TNR: variants seen among roughly 807,000 people sequenced by gnomAD.
TNR encodes the protein tenascin R.
A neutral mutation model predicts 150.4 loss-of-function variants in TNR; 45 were observed. The ratio of observed to expected loss-of-function variants is 0.30; its 90% CI spans 0.24 to 0.38. The LOEUF (loss-of-function observed/expected upper bound fraction) is 0.38, where lower values mean the gene tolerates loss of function less well. Ranked by LOEUF, TNR falls within the 10% of genes least tolerant of loss-of-function variation. The pLI is 1.00. For missense variants in TNR, 1,544 were observed against 1,759.1 expected, an observed-to-expected ratio of 0.88 and a Z score of 2.19; for synonymous variants, 687 against 678.4, an observed-to-expected ratio of 1.01 and a Z score of -0.20.
chr1:175,427,827 T>G (rs1483052692), intron 2 of TNR, among the ~76,000 whole-genome samples: 1 of 141,866 alleles, frequency 7.0e-6, no homozygotes, highest in Non-Finnish European at 1.5e-5. Flanking sequence ...TTTTTCCTTC[T>G]TTCCTCCCTC....
intron 16 of TNR, among the ~76,000 whole-genome samples, 185 bp downstream of exon 16, chr1:175,356,134 T>A (rs752656056): frequency 1.3e-4 from 20 of 152,136 alleles, no homozygotes; most frequent in Non-Finnish European, 2.4e-4. Flanking sequence ...AAAACAGACA[T>A]GTCTCTGCTG....
At chr1:175,441,620 G>A (rs1363995575) in intron 2 of TNR, among the ~76,000 whole-genome samples, 1 of 152,074 alleles carries the variant, frequency 6.6e-6, no homozygotes. Flanking sequence ...GTCCATGGAT[G>A]ACCAGCACAG....
intron 1 of TNR, among the ~76,000 whole-genome samples, chr1:175,637,375 C>T (rs1052964101): frequency 6.6e-6 from 1 of 152,126 alleles, no homozygotes; most frequent in Non-Finnish European, 1.5e-5. Context: ...AAAGAGAATT[C>T]AATATCATTT....
chr1:175,384,383 G>A (rs1238874537), intron 8 of TNR, among the ~76,000 whole-genome samples: 2 of 152,302 alleles, frequency 1.3e-5, no homozygotes, highest in East Asian at 1.9e-4. Flanking sequence ...ATGCACATTC[G>A]GTCACTCCGG....
chr1:175,360,262 A>C (rs1055534686), intron 14 of TNR, among the ~76,000 whole-genome samples: 24 of 152,158 alleles, frequency 1.6e-4, no homozygotes, highest in African/African-American at 5.8e-4. Flanking sequence ...TAGAAGATCC[A>C]CCCATGGAAT....
chr1:175,434,756 G>C (rs1655421894), intron 2 of TNR, among the ~76,000 whole-genome samples: 1 of 152,126 alleles, frequency 6.6e-6, no homozygotes, highest in African/African-American at 2.4e-5. Flanking sequence ...TTGGTACACA[G>C]CATGGAGTTT....
chr1:175,740,010 A>T (rs1278132834), intron 1 of TNR, among the ~76,000 whole-genome samples: 3 of 152,218 alleles, frequency 2.0e-5, no homozygotes, highest in Non-Finnish European at 4.4e-5. Flanking sequence ...GTTTCTGTTC[A>T]CATTTGATTG....
intron 18 of TNR, among the ~76,000 whole-genome samples, chr1:175,345,166 C>T (rs541874967): frequency 6.6e-6 from 1 of 152,048 alleles, no homozygotes; most frequent in South Asian, 2.1e-4. Flanking sequence ...CCAAACAGCA[C>T]CAAAAAAAGA....
At chr1:175,733,350 G>A (rs1667691525) in intron 1 of TNR, among the ~76,000 whole-genome samples, 1 of 152,128 alleles carries the variant, frequency 6.6e-6, no homozygotes, top group Admixed American at 6.5e-5. Flanking sequence ...CAGAGAGAGA[G>A]ACAGGTCTCT....
intron 2 of TNR, among the ~76,000 whole-genome samples, chr1:175,463,506 C>G (rs997923435): frequency 6.6e-6 from 1 of 152,210 alleles, no homozygotes; most frequent in Non-Finnish European, 1.5e-5. Flanking sequence ...TCATTCTCAG[C>G]CTAGGTGCCT....
intron 1 of TNR, among the ~76,000 whole-genome samples, chr1:175,552,635 C>T (rs940588885): frequency 2.0e-5 from 3 of 152,142 alleles, no homozygotes; most frequent in African/African-American, 4.8e-5. Flanking sequence ...AGGGGAAATA[C>T]GGCACGATTT....
intron 2 of TNR, among the ~76,000 whole-genome samples, chr1:175,523,612 G>A (rs1038292207): frequency 2.0e-5 from 3 of 152,160 alleles, no homozygotes; most frequent in South Asian, 2.1e-4. Context: ...CATGGAGAAC[G>A]GAGGAGATTA....
intron 1 of TNR, among the ~76,000 whole-genome samples, chr1:175,551,919 G>T (rs1259875060): frequency 6.6e-6 from 1 of 152,122 alleles, no homozygotes; most frequent in Non-Finnish European, 1.5e-5. Context: ...GGTTGTAAGG[G>T]TCTAAATCCT....
chr1:175,441,487 C>T (rs1655786876), intron 2 of TNR, among the ~76,000 whole-genome samples: 1 of 151,906 alleles, frequency 6.6e-6, no homozygotes, highest in Non-Finnish European at 1.5e-5. Context: ...ATACCAGGTA[C>T]TATATATATA....
At chr1:175,505,832 G>A (rs6667490) in intron 2 of TNR, among the ~76,000 whole-genome samples, 1,715 of 152,332 alleles carry the variant, frequency 0.011, 26 homozygotes, top group African/African-American at 0.039. Flanking sequence ...CCTGAGGCCG[G>A]GAGTTCAAGA....
chr1:175,648,662 C>T (rs1319130267), intron 1 of TNR, among the ~76,000 whole-genome samples: 1 of 152,198 alleles, frequency 6.6e-6, no homozygotes, highest in Non-Finnish European at 1.5e-5. Context: ...GCCCTTTCTC[C>T]TTCTGTGGCA....
At chr1:175,574,625 T>C (rs1249286580) in intron 1 of TNR, among the ~76,000 whole-genome samples, 1 of 152,158 alleles carries the variant, frequency 6.6e-6, no homozygotes, top group Non-Finnish European at 1.5e-5. Context: ...CACATACTTT[T>C]CAAAAAGTGT....
chr1:175,358,165 A>G (rs1405413262), intron 15 of TNR, among the ~76,000 whole-genome samples: 1 of 152,194 alleles, frequency 6.6e-6, no homozygotes, highest in Non-Finnish European at 1.5e-5. Flanking sequence ...GGGTGACAGG[A>G]ATTGAGATGG....
chr1:175,593,323 C>T (rs1662875724), intron 1 of TNR, among the ~76,000 whole-genome samples: 1 of 152,190 alleles, frequency 6.6e-6, no homozygotes, highest in Admixed American at 6.5e-5. Flanking sequence ...GTTCACAGTG[C>T]TGTTGTAAAC....
Sources: allele counts gnomAD v4.1 joint callset (sites outside exome capture counted in the v4.1 genomes callset), GRCh38; gene constraint gnomAD v4.1.1; transcripts MANE v1.5; gene names NCBI Gene and HGNC (gene_info 2026-07-23, HGNC 2026-07-21).